Variants in TCIRG1 observed in about 807,000 individuals in gnomAD.
TCIRG1 encodes V-type proton ATPase 116 kDa subunit a 3.
TCIRG1 carries 86 observed loss-of-function variants against 95.5 expected under a neutral mutation model. That is an observed-to-expected ratio of 0.90 (90% confidence interval 0.76 to 1.08). The LOEUF is 1.08. Ranked by LOEUF, TCIRG1 falls within the 50% of genes least tolerant of loss-of-function variation. TCIRG1 has a pLI of 0.00. For missense variants in TCIRG1, 1,069 were observed against 1,140.2 expected, an observed-to-expected ratio of 0.94 and a Z score of 0.90; for synonymous variants, 499 against 501.3, an observed-to-expected ratio of 1.00 and a Z score of 0.06.
chr11:68,041,235 C>G, intron 1 of TCIRG1, 33 bp from the exon 2 acceptor site: 1 of 1,457,672 alleles, frequency 6.9e-7, no homozygotes, highest in Non-Finnish European at 9.6e-7. Context: ...TGTGGTCTGC[C>G]CCTGACTGGC....
chr11:68,041,721 G>T, intron 2 of TCIRG1, 32 bp from the exon 3 acceptor site: 2 of 1,585,436 alleles, frequency 1.3e-6, no homozygotes, highest in East Asian at 4.6e-5. Context: ...CCCCCTTCCC[G>T]GGACACTCAC....
Position 68,045,087 on chromosome 11 carries a change from C to A in TCIRG1, c.1150C>A (p.Gln384Lys), listed in dbSNP as rs573145198. ...GGATGCCTACGGCGTGGGCCGCTAC[C>A]AGGAGGTCAACCCCGGTGAGAGCCA... is the stretch of plus-strand genomic sequence containing the variant. Reference protein sequence around the residue: ...IVDAYGVGRYQEVNPAPYTII... With the variant: ...IVDAYGVGRYKEVNPAPYTII... The change falls in exon 10 of 20, where the codon CAG (glutamine) becomes AAG (lysine). Residue 384 changes from glutamine to lysine, a missense_variant. Gln to Lys is a moderately conservative substitution (Grantham distance 53). Transcript: ENST00000265686. 2.5e-6 allele frequency: 4 copies of A among 1,601,996 alleles called. No homozygotes were observed. Among genetic ancestry groups the A allele is most frequent in the Non-Finnish European group, 2.5e-6 (3 of 1,179,972 alleles).
chr11:68,043,738 C>T, intron 7 of TCIRG1, 76 bp from the exon 8 acceptor site: 1 of 1,534,916 alleles, frequency 6.5e-7, no homozygotes, highest in East Asian at 2.4e-5. Context: ...GTGACTCCTC[C>T]CCATGAGCTC....
At chr11:68,042,894 G>A (rs1250692164) in intron 4 of TCIRG1, 31 bp downstream of exon 4, 8 of 1,550,160 alleles carry the variant, frequency 5.2e-6, no homozygotes, top group Non-Finnish European at 5.2e-6. Flanking sequence ...GAGACTGGGG[G>A]GCTGGGGAGG....
At chr11:68,053,188 C>A, downstream of TCIRG1, 1 of 157,406 alleles carries the variant, frequency 6.4e-6, no homozygotes, top group Non-Finnish European at 1.4e-5. Context: ...AGGAGAGGCC[C>A]AAAGAGCTAG....
chr11:68,043,927 C>T lies in TCIRG1; in HGVS notation c.807+20C>T, dbSNP rs548851139. 5.9e-5 allele frequency: 91 copies of T among 1,531,204 alleles called. No homozygotes were observed. The East Asian group carries it at 1.0e-3, about 17-fold the overall frequency. 94.9% of individuals were successfully genotyped at this position (1,531,204 alleles called of 1,614,324 possible). On this transcript the variant is annotated intron_variant, in intron 8 of 19. Transcript: ENST00000265686. The stretch of plus-strand genomic sequence containing the variant: ...CAGGAGGTGGGTGCCCCCGGCCTTC[C>T]GGAGGCGGGTGTAGGAGGTGGGTGC...
chr11:68,045,369 GC>G (rs1210524270), intron 10 of TCIRG1, among the ~76,000 whole-genome samples: 4 of 152,360 alleles, frequency 2.6e-5, no homozygotes, highest in Admixed American at 2.6e-4. Flanking sequence ...GGTGGGCATG[GC>G]CCAGGTTGGA....
chr11:68,042,929 T>C lies in TCIRG1; in HGVS notation c.418-17T>C. 6.4e-7 allele frequency: 1 copy of C among 1,551,698 alleles called. No individual in the cohort carries two copies. Among genetic ancestry groups the C allele is most frequent in the Non-Finnish European group, 8.7e-7 (1 of 1,147,618 alleles). On this transcript the variant is annotated splice_polypyrimidine_tract_variant and intron_variant, in intron 4 of 19. Coordinates refer to ENST00000265686, the MANE Select transcript of TCIRG1 (RefSeq NM_006019.4). ...GGGCTGTCCAGCCTAGGGCTCATGG[T>C]GCTTCTGGGTTCCTAGCTGGCAGCC...
Position 68,048,775 on chromosome 11 carries a change from C to T in TCIRG1, c.1555-104C>T, listed in dbSNP as rs561396778. 76 of 917,826 alleles carry T rather than the reference C, an allele frequency of 8.3e-5. No individual in the cohort carries two copies. The African/African-American group carries it at 9.5e-4, about 11-fold the overall frequency. The allele number at this position is 917,826 out of a possible 1,614,324, so 56.9% of individuals were successfully genotyped here. ...GGGTGATGGATGAGGCTGCAGGCTC[C>T]GAGGGGGAAAACAGGGTGGTGAGAG... On this transcript the variant is annotated intron_variant, in intron 13 of 19. Coordinates refer to ENST00000265686, the MANE Select transcript of TCIRG1 (RefSeq NM_006019.4).
At position 68,050,249 on chromosome 11, in the gene TCIRG1, A is replaced by G; in HGVS notation, c.2231A>G (p.His744Arg). 1 of 1,612,736 alleles carries G rather than the reference A, an allele frequency of 6.2e-7. No homozygotes were observed. Reference protein sequence around the residue: ...YLRLWALSLAHAQLSEVLWAM... With the variant: ...YLRLWALSLARAQLSEVLWAM... ...CGCCTGTGGGCCCTGAGCCTGGCCC[A>G]CGCCCGTGAGTGACCTGGCCACCGA... The change falls in exon 18 of 20, where the codon CAC (histidine) becomes CGC (arginine). Residue 744 changes from histidine to arginine, a missense_variant. By Grantham distance (29) the His-to-Arg change is conservative. Transcript: ENST00000265686.
chr11:68,041,681 G>T, intron 2 of TCIRG1, 72 bp from the exon 3 acceptor site: 1 of 1,317,672 alleles, frequency 7.6e-7, no homozygotes, highest in East Asian at 2.5e-5. Context: ...GGAGAGTCAG[G>T]CCTGGGCTCT....
chr11:68,041,222 G>C (rs753005260), intron 1 of TCIRG1, 46 bp from the exon 2 acceptor site: 1 of 1,331,706 alleles, frequency 7.5e-7, no homozygotes, highest in African/African-American at 1.4e-5. Flanking sequence ...GTTGGGAACT[G>C]TCTGTGGTCT....
chr11:68,048,272 T>C, intron 13 of TCIRG1: 1 of 526,262 alleles, frequency 1.9e-6, no homozygotes, highest in Middle Eastern at 5.1e-4. Context: ...TTCCCAACCC[T>C]CTGTGGAAGT....
In TCIRG1 at chr11:68,048,954, G is replaced by C. The variant is rs371505143; in HGVS notation, c.1630G>C (p.Val544Leu). 2.6e-5 allele frequency: 42 copies of C among 1,613,712 alleles called. No homozygotes were observed. The African/African-American group carries it at 5.2e-4, about 20-fold the overall frequency. ...KMKMSVILGV[V>L]HMAFGVVLGV... is the part of the protein sequence containing the mutation. Reference sequence around the variant, plus strand: ...GAAGATGTCCGTCATCCTGGGCGTCGTGCACATGGCCTTTGGGGTGGTCCT... The same window carrying C: ...GAAGATGTCCGTCATCCTGGGCGTCCTGCACATGGCCTTTGGGGTGGTCCT... Residue 544 changes from valine to leucine, a missense_variant, in exon 14 of 20, where the codon GTG becomes CTG. Physicochemically the swap from Val to Leu is conservative, Grantham distance 32. Transcript: ENST00000265686.
In TCIRG1 at chr11:68,047,779, G is replaced by A. The variant is rs537359796; in HGVS notation, c.1438G>A (p.Ala480Thr). Residue 480 changes from alanine (A) to threonine (T), a missense_variant, in exon 12 of 20, where the codon GCC (alanine) becomes ACC (threonine). Ala to Thr is a moderately conservative substitution (Grantham distance 58, BLOSUM62 0). Transcript: ENST00000265686. Reference protein sequence around the residue: ...SIFPSGWSVAAMANQSGWSDA... With the variant: ...SIFPSGWSVATMANQSGWSDA... ...CTTCCCCTCGGGCTGGAGTGTGGCC[G>A]CCATGGCCAACCAGTCTGGCTGGAG... 43 of 1,613,024 alleles carry A rather than the reference G, an allele frequency of 2.7e-5. No individual in the cohort carries two copies. Among genetic ancestry groups the A allele is most frequent in the Admixed American group, 1.7e-4 (10 of 60,024 alleles).
intron 5 of TCIRG1, 88 bp from the exon 6 acceptor site, chr11:68,043,283 C>T (rs937907205): frequency 1.7e-5 from 25 of 1,499,268 alleles, no homozygotes; most frequent in Non-Finnish European, 1.9e-5. Flanking sequence ...CCCGATTGCC[C>T]GTGCTGGGCA....
chr11:68,045,699 A>T (rs1229596236), intron 10 of TCIRG1, among the ~76,000 whole-genome samples: 4 of 152,094 alleles, frequency 2.6e-5, no homozygotes, highest in Non-Finnish European at 5.9e-5. Flanking sequence ...GATTACAGGC[A>T]CGCACCACCA....
At chr11:68,050,971 A>G (rs1316585164), downstream of TCIRG1, 1 of 861,384 alleles carries the variant, frequency 1.2e-6, no homozygotes, top group Non-Finnish European at 1.9e-6. Context: ...AGGATCTGGG[A>G]CCTCAAAAGT....
intron 10 of TCIRG1, chr11:68,046,963 G>A (rs12574772): frequency 2.2e-6 from 1 of 455,292 alleles, no homozygotes; most frequent in Admixed American, 2.4e-5. Flanking sequence ...TCAGAGAGGT[G>A]AAGTGGCTGG....
Sources: gnomAD v4.1 joint callset for allele counts (sites outside exome capture counted in the v4.1 genomes callset) on GRCh38, gnomAD v4.1.1 for gene constraint, MANE v1.5 for transcripts, NCBI Gene and HGNC (gene_info 2026-07-23, HGNC 2026-07-21) for gene names.